Variants in ESYT2 observed in about 807,000 individuals in gnomAD.
ESYT2 encodes extended synaptotagmin-2.
ESYT2 carries 54 observed loss-of-function variants against 107.2 expected under a neutral mutation model. The ratio of observed to expected loss-of-function variants is 0.50; its 90% CI spans 0.40 to 0.63. The LOEUF is 0.63. ESYT2 is among the 30% of genes least tolerant of loss of function. ESYT2 has a pLI of 0.00. For missense variants in ESYT2, 1,020 were observed against 1,094.5 expected (o/e 0.93, Z 0.96); for synonymous variants, 491 against 434.1 (o/e 1.13, Z -1.63).
At chr7:158,807,338 A>T (rs1287973516) in intron 1 of ESYT2, among the ~76,000 whole-genome samples, 1 of 151,844 alleles carries the variant, frequency 6.6e-6, no homozygotes, top group Non-Finnish European at 1.5e-5. Flanking sequence ...CATCGGACTT[A>T]AAATTTATCT....
chr7:158,757,756 T>TG (rs915629058), intron 13 of ESYT2, among the ~76,000 whole-genome samples: 44 of 76,374 alleles, frequency 5.8e-4, no homozygotes, highest in African/African-American at 1.4e-3. Context: ...CTCTCTGGGT[T>TG]TTTTTTTTTT....
chr7:158,735,703 TG>T (rs979638961), intron 20 of ESYT2, 95 bp from the exon 21 acceptor site: 20 of 1,014,102 alleles, frequency 2.0e-5, no homozygotes, highest in Admixed American at 2.0e-4. Context: ...TCATTCCAAA[TG>T]TCATGTTTGT....
rs145844610 is a variant in ESYT2 at position 158,798,054 on chromosome 7, A to G, written c.395T>C (p.Phe132Ser). The change falls in exon 3 of 23, where the codon TTC becomes TCC. Residue 132 changes from phenylalanine to serine, a missense_variant. By Grantham distance (155) the Phe-to-Ser change is radical (BLOSUM62 -2). Coordinates refer to ENST00000275418, the MANE Select transcript of ESYT2 (RefSeq NM_001367773.1). ...LNKTVKHMWP[F>S]ICQFIEKLFR... The stretch of plus-strand genomic sequence containing the variant: ...CAACTTCTCTATAAATTGGCAAATG[A>G]AAGGCCACATGTGTTTTACAGTCTG... 1.3e-5 allele frequency: 21 copies of G among 1,614,074 alleles called. No individual in the cohort carries two copies. The African/African-American group carries it at 2.5e-4, about 19-fold the overall frequency.
chr7:158,798,708 ATTTC>A (rs1399377498), intron 2 of ESYT2, among the ~76,000 whole-genome samples: 4 of 146,488 alleles, frequency 2.7e-5, no homozygotes, highest in African/African-American at 7.5e-5. Context: ...CTTGTAAGTT[ATTTC>A]TTTCTTTGTC....
At chr7:158,805,990 C>G (rs917800664) in intron 1 of ESYT2, among the ~76,000 whole-genome samples, 1 of 152,222 alleles carries the variant, frequency 6.6e-6, no homozygotes, top group Non-Finnish European at 1.5e-5. Context: ...TGAGCCACAG[C>G]TGTGGCCACC....
chr7:158,781,480 G>C (rs1478375574), intron 6 of ESYT2, among the ~76,000 whole-genome samples: 2 of 149,030 alleles, frequency 1.3e-5, no homozygotes, highest in Admixed American at 1.3e-4. Flanking sequence ...AGAGGTGTGA[G>C]TGTGAAACAA....
intron 6 of ESYT2, among the ~76,000 whole-genome samples, chr7:158,778,684 T>C (rs118099229): frequency 3.1e-3 from 468 of 152,342 alleles, no homozygotes; most frequent in Non-Finnish European, 4.8e-3. Flanking sequence ...TCCAGCTAAC[T>C]GACTCATCAG....
chr7:158,758,319 G>A (rs530627243), intron 13 of ESYT2, among the ~76,000 whole-genome samples: 59 of 152,358 alleles, frequency 3.9e-4, no homozygotes, highest in African/African-American at 1.3e-3. Context: ...GAAATGCACA[G>A]TTCTCAGAAC....
chr7:158,753,118 T>C (rs1262285520), intron 13 of ESYT2, among the ~76,000 whole-genome samples: 1 of 152,244 alleles, frequency 6.6e-6, no homozygotes, highest in East Asian at 1.9e-4. Context: ...CTTGATCCCT[T>C]GTGATTTCAC....
At chr7:158,797,920 G>C (rs757967891) in intron 3 of ESYT2, 22 bp downstream of exon 3, 2 of 1,609,962 alleles carry the variant, frequency 1.2e-6, no homozygotes, top group South Asian at 1.1e-5. Flanking sequence ...GTGCACGTGA[G>C]GATACTTAAG....
intron 2 of ESYT2, 79 bp from the exon 3 acceptor site, chr7:158,798,155 GCA>G: frequency 6.8e-7 from 1 of 1,468,786 alleles, no homozygotes; most frequent in East Asian, 2.3e-5. Flanking sequence ...AGAAACCCTC[GCA>G]ACAGACCAAA....
chr7:158,816,014 A>G (rs538342283), intron 1 of ESYT2, among the ~76,000 whole-genome samples: 14 of 152,300 alleles, frequency 9.2e-5, no homozygotes, highest in East Asian at 3.9e-4. Flanking sequence ...AATCCCTGGA[A>G]TTTGTGAGTG....
At chr7:158,823,326 T>C (rs1840341098) in intron 1 of ESYT2, among the ~76,000 whole-genome samples, 1 of 130,804 alleles carries the variant, frequency 7.6e-6, no homozygotes, top group Non-Finnish European at 1.6e-5. Flanking sequence ...AAAAAAGACA[T>C]TGGATTTTTT....
chr7:158,791,884 T>G (rs190048057), intron 4 of ESYT2, among the ~76,000 whole-genome samples: 2 of 152,214 alleles, frequency 1.3e-5, no homozygotes, highest in Middle Eastern at 3.2e-3. Flanking sequence ...TAGGTAGTAG[T>G]AACATCTTAA....
chr7:158,746,547 A>C (rs1211394575), intron 16 of ESYT2, among the ~76,000 whole-genome samples: 1 of 152,062 alleles, frequency 6.6e-6, no homozygotes, highest in African/African-American at 2.4e-5. Context: ...AGCACCAATA[A>C]TAAAGACAGT....
At chr7:158,751,924 G>T (rs1254277384) in intron 14 of ESYT2, among the ~76,000 whole-genome samples, 2 of 152,198 alleles carry the variant, frequency 1.3e-5, no homozygotes, top group Admixed American at 1.3e-4. Context: ...CTCCACAGGA[G>T]TAACCCCTAG....
chr7:158,801,767 C>T (rs1288130821), intron 1 of ESYT2, among the ~76,000 whole-genome samples: 1 of 152,138 alleles, frequency 6.6e-6, no homozygotes, highest in Non-Finnish European at 1.5e-5. Flanking sequence ...TGAGTTGACA[C>T]CACCCGCAAA....
intron 1 of ESYT2, among the ~76,000 whole-genome samples, chr7:158,826,619 G>A (rs1200154356): frequency 2.0e-5 from 3 of 151,298 alleles, no homozygotes; most frequent in African/African-American, 7.3e-5. Flanking sequence ...TCAAGAGATC[G>A]AGACCATCCT....
chr7:158,818,911 C>T (rs1465451242), intron 1 of ESYT2, among the ~76,000 whole-genome samples: 1 of 152,218 alleles, frequency 6.6e-6, no homozygotes, highest in Non-Finnish European at 1.5e-5. Context: ...CAGCACACCC[C>T]ACAGAAGGGC....
Sources: allele counts gnomAD v4.1 joint callset (sites outside exome capture counted in the v4.1 genomes callset), GRCh38; gene constraint gnomAD v4.1.1; transcripts MANE v1.5; gene names NCBI Gene and HGNC (gene_info 2026-07-23, HGNC 2026-07-21).